NARS2: variants seen among roughly 807,000 people sequenced by gnomAD.
The protein encoded by NARS2 is asparaginyl-tRNA synthetase 2, mitochondrial.
Under a neutral mutation model 62.9 loss-of-function variants are expected in NARS2, and 60 were observed. The observed-to-expected ratio is 0.95, with a 90% CI of 0.77 to 1.18. The LOEUF is 1.18. Ranked by LOEUF, NARS2 falls within the 50% of genes most tolerant of loss-of-function variation. The pLI, the probability that NARS2 is intolerant of heterozygous loss-of-function variation, is 0.00. For missense variants in NARS2, 619 were observed against 576.4 expected, an observed-to-expected ratio of 1.07 and a Z score of -0.76; for synonymous variants, 196 against 200.0, an observed-to-expected ratio of 0.98 and a Z score of 0.17.
At chr11:78,464,528 T>C (rs779605135) in intron 11 of NARS2, among the ~76,000 whole-genome samples, 27 of 151,678 alleles carry the variant, frequency 1.8e-4, no homozygotes, top group Admixed American at 3.3e-4. Flanking sequence ...CCAGATTAGC[T>C]AGATACAGAG....
intron 11 of NARS2, among the ~76,000 whole-genome samples, chr11:78,463,189 T>G (rs1392062023): frequency 1.3e-5 from 2 of 152,120 alleles, no homozygotes; most frequent in African/African-American, 4.8e-5. Context: ...CTCAGCCTCT[T>G]GAGTAGATAG....
rs376954132 is a variant in NARS2, at chr11:78,563,456, T to G, written c.513+2676A>C. Among the ~76,000 whole-genome samples the G allele has an allele frequency of 5.2e-4, 79 of 152,014 alleles. 2 individuals carry two copies. In the East Asian group the frequency reaches 0.013, roughly 25 times the overall value. ...TGGTCTCGATCTCTTGACCTCGTGA[T>G]CTGCCTGCCTCGGCCTCCCAAAGTG... On this transcript the variant is annotated intron_variant, in intron 4 of 13. Coordinates refer to ENST00000281038, the MANE Select transcript of NARS2 (RefSeq NM_024678.6).
At chr11:78,563,870 G>A (rs368266003) in intron 4 of NARS2, among the ~76,000 whole-genome samples, 65 of 8,802 alleles carry the variant, frequency 7.4e-3, no homozygotes, top group Non-Finnish European at 0.018. Context: ...ATATATATAT[G>A]TATACACACA....
chr11:78,449,168 C>G (rs1241726475), intron 11 of NARS2, among the ~76,000 whole-genome samples: 1 of 128,106 alleles, frequency 7.8e-6, no homozygotes, highest in Non-Finnish European at 1.6e-5. Flanking sequence ...TGGAGTCTTG[C>G]TCTGTCACCC....
chr11:78,506,016 A>C (rs909567613), intron 6 of NARS2, among the ~76,000 whole-genome samples: 1 of 152,182 alleles, frequency 6.6e-6, no homozygotes, highest in Non-Finnish European at 1.5e-5. Context: ...AATAAAACAA[A>C]CAACCTAGTA....
intron 11 of NARS2, among the ~76,000 whole-genome samples, chr11:78,465,149 A>G (rs2135210198): frequency 6.6e-6 from 1 of 152,272 alleles, no homozygotes; most frequent in East Asian, 1.9e-4. Context: ...CAGGAAATTG[A>G]GCACAGCTGC....
chr11:78,436,712 A>G lies in NARS2; in HGVS notation c.1392T>C (p.Asp464=), dbSNP rs1359578647. The G allele has an allele frequency of 5.6e-6, 9 of 1,614,092 alleles. No homozygotes were observed. Among genetic ancestry groups the G allele is most frequent in the Non-Finnish European group, 7.6e-6 (9 of 1,180,048 alleles). Residue 464 remains aspartate, a synonymous_variant, in exon 14 of 14, where the codon GAT becomes GAC. Transcript: ENST00000281038. The part of the protein sequence containing the change: ...QCILGVDNIK[D]VIPFPRFPHS... ...GAGGAAACCTTGGGAAAGGGATAACATCTTTGATATTGTCAACACCCAAGA... is the reference window on the plus strand; with the variant it reads ...GAGGAAACCTTGGGAAAGGGATAACGTCTTTGATATTGTCAACACCCAAGA...
chr11:78,498,671 CTT>C lies in NARS2; in HGVS notation c.690-5478_690-5477del, dbSNP rs56691152. Among the ~76,000 whole-genome samples the C allele has an allele frequency of 8.9e-3, 1,264 of 141,476 alleles. 12 individuals carry two copies. The highest frequency in any genetic ancestry group is 0.025 in the African/African-American group (975 of 38,516). 92.8% of individuals were successfully genotyped at this position (141,476 alleles called of 152,430 possible). A position where few individuals can be genotyped will look rare whatever the true frequency, so the allele number is the denominator to read the frequency against. ...CCTAGGCCAATCTTCCCAATACGCT[CTT>C]TTTTTTTTTTTTTCCTGTTGGTTTG... is the stretch of plus-strand genomic sequence containing the variant. On this transcript the variant is annotated intron_variant, in intron 6 of 13. Transcript: ENST00000281038.
At chr11:78,460,903 AT>A (rs1275845650) in intron 11 of NARS2, among the ~76,000 whole-genome samples, 1 of 152,192 alleles carries the variant, frequency 6.6e-6, no homozygotes, top group Non-Finnish European at 1.5e-5. Flanking sequence ...ACATGTACAG[AT>A]TTTTTTCTTG....
intron 7 of NARS2, among the ~76,000 whole-genome samples, chr11:78,485,577 G>A (rs1181008319): frequency 2.6e-5 from 4 of 152,096 alleles, no homozygotes; most frequent in African/African-American, 7.2e-5. Flanking sequence ...GGGATAAAAC[G>A]TTGTTGATCT....
At chr11:78,564,934 G>A (rs1294916480) in intron 4 of NARS2, among the ~76,000 whole-genome samples, 2 of 152,180 alleles carry the variant, frequency 1.3e-5, no homozygotes, top group African/African-American at 4.8e-5. Context: ...GGTGAGACTG[G>A]GGCTGTGTGA....
At chr11:78,515,042 A>G (rs565437006) in intron 6 of NARS2, among the ~76,000 whole-genome samples, 1 of 152,328 alleles carries the variant, frequency 6.6e-6, no homozygotes, top group South Asian at 2.1e-4. Flanking sequence ...TTACTGAAGG[A>G]CAGAAAACAG....
At chr11:78,459,442 G>GT (rs1399119890) in intron 11 of NARS2, among the ~76,000 whole-genome samples, 2 of 150,222 alleles carry the variant, frequency 1.3e-5, no homozygotes, top group Non-Finnish European at 2.9e-5. Context: ...AGCTAATTTT[G>GT]TATTTTTAGT....
At chr11:78,502,824 T>A (rs768584528) in intron 6 of NARS2, among the ~76,000 whole-genome samples, 1 of 151,842 alleles carries the variant, frequency 6.6e-6, no homozygotes, top group Non-Finnish European at 1.5e-5. Flanking sequence ...TGAAACCCTG[T>A]CTCTACTAAA....
chr11:78,478,488 AC>A lies in NARS2; in HGVS notation c.922-14del. ...GTTCTAATCTGTCCTTAATAAAAAG[AC>A]AAAAAAGAAAATTTTAAAAATATAA... On this transcript the variant is annotated splice_polypyrimidine_tract_variant and intron_variant, in intron 8 of 13. Transcript: ENST00000281038. The A allele has an allele frequency of 8.4e-7, 1 of 1,191,494 alleles. No homozygotes were observed. Among genetic ancestry groups the A allele is most frequent in the Non-Finnish European group, 1.2e-6 (1 of 866,952 alleles). 73.8% of individuals were successfully genotyped at this position (1,191,494 alleles called of 1,614,324 possible). A position where few individuals can be genotyped will look rare whatever the true frequency, so the allele number is the denominator to read the frequency against.
chr11:78,469,803 T>C (rs184965400), intron 9 of NARS2, among the ~76,000 whole-genome samples: 3 of 150,772 alleles, frequency 2.0e-5, no homozygotes, highest in East Asian at 3.9e-4. Context: ...GAGGAGAGAG[T>C]AGACAGATAA....
intron 6 of NARS2, among the ~76,000 whole-genome samples, chr11:78,505,267 AATAC>A (rs1357186687): frequency 2.4e-5 from 2 of 82,462 alleles, no homozygotes; most frequent in Non-Finnish European, 4.8e-5. Context: ...AAGAAAACAA[AATAC>A]ACACACACAC....
At chr11:78,568,501 A>G (rs1398659280) in intron 3 of NARS2, 131 bp downstream of exon 3, 11 of 1,160,944 alleles carry the variant, frequency 9.5e-6, no homozygotes, top group Middle Eastern at 3.0e-4. Context: ...TACAGGTCAT[A>G]TGGCTTGTTT....
intron 5 of NARS2, among the ~76,000 whole-genome samples, chr11:78,543,725 C>T (rs1357242621): frequency 6.6e-6 from 1 of 152,022 alleles, no homozygotes; most frequent in Non-Finnish European, 1.5e-5. Context: ...GATGCATAAG[C>T]TACTTTCTAA....
Sources: allele counts gnomAD v4.1 joint callset (sites outside exome capture counted in the v4.1 genomes callset), GRCh38; gene constraint gnomAD v4.1.1; transcripts MANE v1.5; gene names NCBI Gene and HGNC (gene_info 2026-07-23, HGNC 2026-07-21).